C3orf70: variants seen among roughly 807,000 people sequenced by gnomAD.
C3orf70 encodes the protein chromosome 3 open reading frame 70.
C3orf70 carries 15 observed loss-of-function variants against 20.7 expected under a neutral mutation model. The observed-to-expected ratio is 0.72, with a 90% CI of 0.48 to 1.11. The LOEUF is 1.11. Ranked by LOEUF, C3orf70 falls within the 50% of genes most tolerant of loss-of-function variation. The pLI is 0.00. For synonymous variants in C3orf70, 161 were observed against 125.7 expected (o/e 1.28, Z -1.88); for missense variants, 332 against 317.6 (o/e 1.05, Z -0.34).
At chr3:185,129,541 A>C (rs1716486625) in intron 1 of C3orf70, among the ~76,000 whole-genome samples, 1 of 152,162 alleles carries the variant, frequency 6.6e-6, no homozygotes, top group African/African-American at 2.4e-5. Flanking sequence ...TGATCACACG[A>C]GTGCATATGT....
At chr3:185,121,919 G>A (rs1716305853) in intron 1 of C3orf70, among the ~76,000 whole-genome samples, 2 of 152,098 alleles carry the variant, frequency 1.3e-5, no homozygotes. Context: ...CTAACACAGT[G>A]AAACCCCATC....
At chr3:185,104,668 C>CT (rs35010348) in intron 1 of C3orf70, among the ~76,000 whole-genome samples, 7,907 of 152,174 alleles carry the variant, frequency 0.052, 667 homozygotes, top group African/African-American at 0.18. Context: ...AGATCAAGTC[C>CT]TTTGCAGAGA....
At chr3:185,109,408 A>C (rs1414473073) in intron 1 of C3orf70, among the ~76,000 whole-genome samples, 2 of 152,218 alleles carry the variant, frequency 1.3e-5, no homozygotes, top group African/African-American at 4.8e-5. Context: ...CTTTATCATG[A>C]GCCAGATGCC....
chr3:185,135,228 GA>G (rs142195254), intron 1 of C3orf70, among the ~76,000 whole-genome samples: 4,602 of 149,186 alleles, frequency 0.031, 240 homozygotes, highest in African/African-American at 0.11. Flanking sequence ...AAGCAACCAT[GA>G]AAAAAAAAAT....
chr3:185,149,987 A>G (rs934802014), intron 1 of C3orf70, among the ~76,000 whole-genome samples: 3 of 152,204 alleles, frequency 2.0e-5, no homozygotes, highest in African/African-American at 7.2e-5. Flanking sequence ...AATCAACCTG[A>G]GTTTTACCAG....
intron 1 of C3orf70, among the ~76,000 whole-genome samples, chr3:185,144,506 C>T (rs1716817011): frequency 6.6e-6 from 1 of 152,202 alleles, no homozygotes; most frequent in Non-Finnish European, 1.5e-5. Context: ...GAGTCTCAAT[C>T]TGCCACCCAG....
intron 1 of C3orf70, among the ~76,000 whole-genome samples, chr3:185,145,247 G>A (rs1458750598): frequency 1.3e-5 from 2 of 152,142 alleles, no homozygotes; most frequent in Non-Finnish European, 2.9e-5. Flanking sequence ...TTGTAATGTG[G>A]GAAATTATAG....
At chr3:185,143,891 T>A (rs1050930651) in intron 1 of C3orf70, among the ~76,000 whole-genome samples, 2 of 152,024 alleles carry the variant, frequency 1.3e-5, no homozygotes, top group African/African-American at 4.8e-5. Context: ...GTATATTTGA[T>A]TAACCAGAGC....
At chr3:185,092,819 C>A (rs1005855023) in intron 1 of C3orf70, among the ~76,000 whole-genome samples, 1 of 151,970 alleles carries the variant, frequency 6.6e-6, no homozygotes, top group Non-Finnish European at 1.5e-5. Flanking sequence ...GGTGAAACCC[C>A]GTCTGTGCTA....
intron 1 of C3orf70, among the ~76,000 whole-genome samples, chr3:185,141,357 TA>T (rs201944333): frequency 1.1e-4 from 16 of 145,652 alleles, no homozygotes; most frequent in South Asian, 2.2e-4. Flanking sequence ...GGCAGTTTCT[TA>T]AAAAAAAAAA....
chr3:185,088,536 C>T (rs895912728), intron 1 of C3orf70, among the ~76,000 whole-genome samples: 4 of 151,632 alleles, frequency 2.6e-5, no homozygotes, highest in Admixed American at 1.3e-4. Flanking sequence ...GATTTTTTTT[C>T]AAAATGTATA....
intron 1 of C3orf70, among the ~76,000 whole-genome samples, chr3:185,122,229 G>T (rs1716317936): frequency 6.6e-6 from 1 of 151,718 alleles, no homozygotes; most frequent in African/African-American, 2.4e-5. Context: ...CAAGGATAAA[G>T]AAAGACATTA....
rs185815659 is a variant in C3orf70, at chr3:185,088,460, A to T, written c.197-4897T>A. ...ACTACTGTTTTGCAACTTAATTGCC[A>T]TTGGGGGGAACTAGGCAAAGGGCAC... On this transcript the variant is annotated intron_variant, in intron 1 of 1. Coordinates refer to ENST00000335012, the MANE Select transcript of C3orf70 (RefSeq NM_001025266.3). Among the ~76,000 whole-genome samples, 170 of 152,264 alleles carry T rather than the reference A, an allele frequency of 1.1e-3. 2 individuals are homozygous for T. Among genetic ancestry groups the T allele is most frequent in the African/African-American group, 4.0e-3 (165 of 41,560 alleles).
In C3orf70 at chr3:185,077,757, C is replaced by T. The variant is rs1005516713; in HGVS notation, c.*5250G>A. Among the ~76,000 whole-genome samples the T allele has an allele frequency of 1.4e-5, 2 of 141,914 alleles. No individual in the cohort carries two copies. The highest frequency in any genetic ancestry group is 2.7e-5 in the African/African-American group (1 of 37,640). 93.1% of individuals were successfully genotyped at this position (141,914 alleles called of 152,430 possible). ...TGTAAGCCGAACAGAAAGGCTGTAA[C>T]TGCGTGTGAAATAAATGCTATTTGG... is the stretch of plus-strand genomic sequence containing the variant. On this transcript the variant is annotated 3_prime_UTR_variant, in exon 2 of 2. Coordinates refer to ENST00000335012, the MANE Select transcript of C3orf70 (RefSeq NM_001025266.3).
At chr3:185,088,853 A>T (rs1354303538) in intron 1 of C3orf70, among the ~76,000 whole-genome samples, 1 of 152,208 alleles carries the variant, frequency 6.6e-6, no homozygotes, top group Non-Finnish European at 1.5e-5. Context: ...ACACACCATG[A>T]TTCTTCAGAT....
chr3:185,130,631 G>A (rs1039343587), intron 1 of C3orf70, among the ~76,000 whole-genome samples: 1 of 152,054 alleles, frequency 6.6e-6, no homozygotes, highest in African/African-American at 2.4e-5. Context: ...CCCCTTCCCT[G>A]GTCCATCGCA....
chr3:185,118,881 T>C, intron 1 of C3orf70, among the ~76,000 whole-genome samples: 1 of 152,214 alleles, frequency 6.6e-6, no homozygotes, highest in Admixed American at 6.5e-5. Context: ...ACCGTGTTAC[T>C]CTACTACTGA....
At position 185,083,049 on chromosome 3, in the gene C3orf70, C is replaced by T; in HGVS notation, c.711G>A (p.Gln237=). 6.2e-7 allele frequency: 1 copy of T among 1,613,968 alleles called. No individual in the cohort carries two copies. The highest frequency in any genetic ancestry group is 8.5e-7 in the Non-Finnish European group (1 of 1,179,952). ...PDECTLLSPS[Q]SDLEVIETIE... ...TCGTTTCAATCACTTCCAGGTCAGACTGCGAGGGGGAGAGAAGGGTGCACT... is the reference window on the plus strand; with the variant it reads ...TCGTTTCAATCACTTCCAGGTCAGATTGCGAGGGGGAGAGAAGGGTGCACT... Residue 237 remains glutamine, a synonymous_variant, in exon 2 of 2, where the codon CAG becomes CAA. Transcript: ENST00000335012.
intron 1 of C3orf70, among the ~76,000 whole-genome samples, chr3:185,119,938 C>G (rs1056747976): frequency 1.4e-5 from 2 of 146,554 alleles, no homozygotes; most frequent in African/African-American, 2.6e-5. Context: ...AGGAGGATCG[C>G]TTGAATGTGG....
Sources: gnomAD v4.1 joint callset for allele counts (sites outside exome capture counted in the v4.1 genomes callset) on GRCh38, gnomAD v4.1.1 for gene constraint, MANE v1.5 for transcripts, NCBI Gene and HGNC (gene_info 2026-07-23, HGNC 2026-07-21) for gene names.